Variants in ATP8A1 observed in about 807,000 individuals in gnomAD.
The protein encoded by ATP8A1 is phospholipid-transporting ATPase IA.
In ATP8A1, 90 loss-of-function variants were observed where a neutral mutation model predicts 177.7. That is an observed-to-expected ratio of 0.51 (90% CI 0.43 to 0.60). The LOEUF (loss-of-function observed/expected upper bound fraction) is 0.60. Among genes scored for constraint, ATP8A1 ranks in the 20% least tolerant of loss-of-function variants. ATP8A1 has a pLI of 0.00. For synonymous variants in ATP8A1, 493 were observed against 485.9 expected, an observed-to-expected ratio of 1.01 and a Z score of -0.19; for missense variants, 1,072 against 1,392.8, an observed-to-expected ratio of 0.77 and a Z score of 3.67.
intron 5 of ATP8A1, among the ~76,000 whole-genome samples, chr4:42,607,190 A>G (rs1391367100): frequency 6.6e-6 from 1 of 152,178 alleles, no homozygotes; most frequent in East Asian, 1.9e-4. Flanking sequence ...CTTCTACCCC[A>G]TCCCCCATTT....
chr4:42,508,766 C>T (rs1218100127), intron 22 of ATP8A1, among the ~76,000 whole-genome samples: 1 of 152,218 alleles, frequency 6.6e-6, no homozygotes, highest in African/African-American at 2.4e-5. Context: ...TTTCTCCTCT[C>T]TTGCCTTCAT....
intron 35 of ATP8A1, among the ~76,000 whole-genome samples, chr4:42,418,418 C>T (rs1378963899): frequency 6.6e-6 from 1 of 152,204 alleles, no homozygotes; most frequent in Non-Finnish European, 1.5e-5. Context: ...AATAATTGTC[C>T]TGCCTCCAAT....
intron 4 of ATP8A1, among the ~76,000 whole-genome samples, chr4:42,623,765 A>T (rs1737748335): frequency 6.6e-6 from 1 of 152,152 alleles, no homozygotes; most frequent in African/African-American, 2.4e-5. Context: ...TGCTCGGTTT[A>T]ATGCCTGGGT....
intron 6 of ATP8A1, among the ~76,000 whole-genome samples, chr4:42,598,498 TTAAC>T (rs1250103208): frequency 1.3e-5 from 2 of 152,170 alleles, no homozygotes; most frequent in African/African-American, 4.8e-5. Flanking sequence ...TTCTACTTTC[TTAAC>T]TGTTTATTTT....
chr4:42,472,797 G>C (rs1720596340), intron 25 of ATP8A1, among the ~76,000 whole-genome samples: 1 of 151,472 alleles, frequency 6.6e-6, no homozygotes, highest in African/African-American at 2.4e-5. Context: ...CATGGTTGAG[G>C]CAGTTCCTAA....
intron 24 of ATP8A1, among the ~76,000 whole-genome samples, chr4:42,487,526 T>C (rs985033052): frequency 1.3e-5 from 2 of 151,934 alleles, no homozygotes; most frequent in Non-Finnish European, 2.9e-5. Flanking sequence ...TAAATACAAA[T>C]ATACATATTT....
chr4:42,574,505 C>T (rs2290869), intron 14 of ATP8A1, 114 bp downstream of exon 14: 295,905 of 782,188 alleles, frequency 0.38, 59,028 homozygotes, highest in East Asian at 0.55. Flanking sequence ...GCTTTTCAGA[C>T]TAAAAAAAAC....
chr4:42,413,227 G>A (rs935909481), intron 36 of ATP8A1, among the ~76,000 whole-genome samples: 4 of 152,120 alleles, frequency 2.6e-5, no homozygotes, highest in African/African-American at 9.7e-5. Flanking sequence ...TAGATTCTAG[G>A]TATTCTTCTC....
chr4:42,529,353 A>G (rs1373181273), intron 20 of ATP8A1, among the ~76,000 whole-genome samples: 1 of 152,216 alleles, frequency 6.6e-6, no homozygotes, highest in African/African-American at 2.4e-5. Context: ...TTGGCTTGTT[A>G]CTGGGCTTTG....
At chr4:42,505,428 T>C (rs1321563223) in intron 23 of ATP8A1, among the ~76,000 whole-genome samples, 3 of 152,228 alleles carry the variant, frequency 2.0e-5, no homozygotes, top group Non-Finnish European at 2.9e-5. Context: ...TATTGCCATA[T>C]ATTTTCTATT....
chr4:42,485,607 T>C lies in ATP8A1; in HGVS notation c.2213A>G (p.Asn738Ser). 1 of 1,613,752 alleles carries C rather than the reference T, an allele frequency of 6.2e-7. No homozygotes were observed. Among genetic ancestry groups the C allele is most frequent in the Non-Finnish European group, 8.5e-7 (1 of 1,179,742 alleles). ...TTLGDALRKE[N>S]DFALIIDGKT... is the part of the protein sequence containing the mutation. ...CCCATCAATTATAAGAGCAAAATCA[T>C]TCTCTTTCCGGAGAGCATCACCAAG... is the stretch of plus-strand genomic sequence containing the variant. The change falls in exon 25 of 37, where the codon AAT (asparagine) becomes AGT (serine). Residue 738 changes from asparagine (N) to serine (S), a missense_variant. By Grantham distance (46) the Asn-to-Ser change is conservative. This residue lies in a region of ATP8A1 where 388 missense variants were observed against 471.7 expected (regional missense o/e 0.82). Coordinates refer to ENST00000381668, the MANE Select transcript of ATP8A1 (RefSeq NM_006095.2).
chr4:42,604,450 C>T (rs1423230699), intron 5 of ATP8A1, among the ~76,000 whole-genome samples: 3 of 151,608 alleles, frequency 2.0e-5, no homozygotes, highest in Admixed American at 2.0e-4. Flanking sequence ...TAAGTACTAA[C>T]TGGGTGGAAT....
intron 1 of ATP8A1, among the ~76,000 whole-genome samples, chr4:42,651,758 GA>G (rs1286743281): frequency 2.6e-5 from 4 of 152,202 alleles, no homozygotes; most frequent in African/African-American, 9.6e-5. Context: ...CTTTATGGAA[GA>G]CAAACTCTCA....
In ATP8A1 at chr4:42,478,549, G is replaced by A. The variant is rs1358415299; in HGVS notation, c.2324+6947C>T. On this transcript the variant is annotated intron_variant, in intron 25 of 36. Transcript: ENST00000381668. ...TGAAATAGAATGGGACTGGGGATAAGGGGAATACACACACAAAAAAAAAAC... is the reference window on the plus strand; with the variant it reads ...TGAAATAGAATGGGACTGGGGATAAAGGGAATACACACACAAAAAAAAAAC... Among the ~76,000 whole-genome samples, 4 of 140,812 alleles carry A rather than the reference G, an allele frequency of 2.8e-5. No individual in the cohort carries two copies. In the East Asian group the frequency reaches 8.4e-4, roughly 30 times the overall value. The allele number at this position is 140,812 out of a possible 152,430, so 92.4% of individuals were successfully genotyped here.
At chr4:42,577,749 G>A (rs773678195) in intron 12 of ATP8A1, among the ~76,000 whole-genome samples, 1 of 152,008 alleles carries the variant, frequency 6.6e-6, no homozygotes, top group Non-Finnish European at 1.5e-5. Context: ...TTACAGTGTA[G>A]AAAATAACAT....
chr4:42,547,429 C>T (rs16854497), intron 19 of ATP8A1, among the ~76,000 whole-genome samples: 3,862 of 152,294 alleles, frequency 0.025, 151 homozygotes, highest in African/African-American at 0.086. Flanking sequence ...CATGTTCATT[C>T]TTAAACCCAC....
In ATP8A1 at chr4:42,423,643, AGAT is replaced by A; in HGVS notation, c.3183_3185del (p.Ser1062del). On this transcript the variant is annotated inframe_deletion, in exon 34 of 37. Transcript: ENST00000381668. The stretch of plus-strand genomic sequence containing the variant: ...CCTTGTACACCACATCAAGGAGCAG[AGAT>A]GCCACAGGGATGAATAACAAGCCCA... 1 of 1,612,646 alleles carries A rather than the reference AGAT, an allele frequency of 6.2e-7. No individual in the cohort carries two copies. The highest frequency in any genetic ancestry group is 8.5e-7 in the Non-Finnish European group (1 of 1,179,324).
intron 27 of ATP8A1, among the ~76,000 whole-genome samples, chr4:42,459,853 G>A (rs926851355): frequency 1.8e-4 from 27 of 151,796 alleles, no homozygotes; most frequent in South Asian, 1.3e-3. Context: ...GCAATGGCGC[G>A]TGGTCTCTGC....
intron 13 of ATP8A1, among the ~76,000 whole-genome samples, chr4:42,575,196 T>C (rs1485432502): frequency 2.6e-5 from 4 of 152,236 alleles, no homozygotes; most frequent in African/African-American, 4.8e-5. Flanking sequence ...AATATGTTAA[T>C]GGATTACAAA....
Sources: gnomAD v4.1 joint callset for allele counts (sites outside exome capture counted in the v4.1 genomes callset) on GRCh38, gnomAD v4.1.1 for gene constraint, gnomAD v4.1.1 regional missense constraint, MANE v1.5 for transcripts, NCBI Gene and HGNC (gene_info 2026-07-23, HGNC 2026-07-21) for gene names.